Variants in PCDH9 observed in about 807,000 individuals in gnomAD.
PCDH9 encodes protocadherin 9.
A neutral mutation model predicts 70.6 loss-of-function variants in PCDH9; 24 were observed. That is an observed-to-expected ratio of 0.34 (90% CI 0.25 to 0.48). The LOEUF (loss-of-function observed/expected upper bound fraction) is 0.48. PCDH9 is among the 20% of genes least tolerant of loss of function. PCDH9 has a pLI of 0.99. For missense variants in PCDH9, 1,281 were observed against 1,503.6 expected (o/e 0.85, Z 2.45); for synonymous variants, 562 against 558.5 (o/e 1.01, Z -0.09).
chr13:66,723,340 A>T (rs1212510874), intron 3 of PCDH9, among the ~76,000 whole-genome samples: 1 of 152,192 alleles, frequency 6.6e-6, no homozygotes, highest in East Asian at 1.9e-4. Flanking sequence ...TGGAAAAGAG[A>T]TCTTCACTTA....
rs1486102153 is a variant in PCDH9 at position 66,747,016 on chromosome 13, G to C, written c.3139-115605C>G. Among the ~76,000 whole-genome samples, 21 of 150,826 alleles carry C rather than the reference G, an allele frequency of 1.4e-4. 1 individual carries two copies. The Admixed American group carries it at 1.4e-3, about 10-fold the overall frequency. On this transcript the variant is annotated intron_variant, in intron 3 of 4. Transcript: ENST00000377865. ...TTTAAACATTTTATTCAAAAAAACT[G>C]TATCTATAATGGAATAAGATACGAC...
intron 3 of PCDH9, among the ~76,000 whole-genome samples, chr13:66,855,272 T>C (rs1407292370): frequency 1.3e-5 from 2 of 152,082 alleles, no homozygotes; most frequent in African/African-American, 2.4e-5. Context: ...ATTTCTCTCA[T>C]TCACTACAAA....
intron 4 of PCDH9, among the ~76,000 whole-genome samples, chr13:66,452,861 C>T (rs1476969709): frequency 6.6e-6 from 1 of 152,010 alleles, no homozygotes; most frequent in Admixed American, 6.6e-5. Flanking sequence ...GGATTATTAT[C>T]CCTTTTCATA....
chr13:67,116,099 T>C (rs2086766832), intron 2 of PCDH9, among the ~76,000 whole-genome samples: 1 of 152,174 alleles, frequency 6.6e-6, no homozygotes, highest in Admixed American at 6.5e-5. Context: ...CAATATGTCT[T>C]TGATTTCTGT....
chr13:66,614,869 G>A (rs1212526001), intron 4 of PCDH9, among the ~76,000 whole-genome samples: 1 of 152,182 alleles, frequency 6.6e-6, no homozygotes, highest in Non-Finnish European at 1.5e-5. Context: ...GGCTGTGTCT[G>A]GTTTCCATTG....
At chr13:67,107,278 T>G in intron 2 of PCDH9, among the ~76,000 whole-genome samples, 1 of 150,306 alleles carries the variant, frequency 6.7e-6, no homozygotes, top group East Asian at 2.0e-4. Flanking sequence ...AGCCGAAGCA[T>G]GGGGGCCGGG....
rs370298378 is a variant in PCDH9, at chr13:66,645,169, T to C, written c.3139-13758A>G. On this transcript the variant is annotated intron_variant, in intron 3 of 4. Transcript: ENST00000377865. ...TTCATCAGATTTGCAGTTTGGGTGA[T>C]AACCAATCAAACGCAGCAGTTCAGC... is the stretch of plus-strand genomic sequence containing the variant. 4.9e-4 allele frequency among the ~76,000 whole-genome samples: 75 copies of C among 152,090 alleles called. 1 individual carries two copies. Among genetic ancestry groups the C allele is most frequent in the African/African-American group, 1.7e-3 (72 of 41,414 alleles).
chr13:67,184,312 A>C (rs1471581678), intron 2 of PCDH9, among the ~76,000 whole-genome samples: 3 of 152,176 alleles, frequency 2.0e-5, no homozygotes, highest in Non-Finnish European at 4.4e-5. Context: ...AAAGGAGGTA[A>C]GTTCCTTTTC....
At chr13:67,115,353 T>C (rs1046272465) in intron 2 of PCDH9, among the ~76,000 whole-genome samples, 1 of 152,216 alleles carries the variant, frequency 6.6e-6, no homozygotes, top group African/African-American at 2.4e-5. Context: ...GGCTTCCTGA[T>C]ACAGGGATGC....
chr13:67,226,436 T>C lies in PCDH9; in HGVS notation c.2005A>G (p.Asn669Asp), dbSNP rs2089872273. The change falls in exon 2 of 5, where the codon AAT (asparagine) becomes GAT (aspartate). Residue 669 changes from asparagine (N) to aspartate (D), a missense_variant. Transcript: ENST00000377865. This position sits in a 1 kb window ranked among gnomAD's most constrained non-coding sequence, Gnocchi z 5.0. ...GAAATGACAACTGGGCTGTTGTCAT[T>C]GACATCCATGACGTTGATAGTTACT... ...AKVTINVMDVNDNSPVVISPP... is the reference protein window; with the variant it reads ...AKVTINVMDVDDNSPVVISPP... The C allele has an allele frequency of 1.2e-6, 2 of 1,613,790 alleles. No homozygotes were observed. Among genetic ancestry groups the C allele is most frequent in the African/African-American group, 1.3e-5 (1 of 74,922 alleles).
chr13:66,444,464 A>C (rs1657699431), intron 4 of PCDH9, among the ~76,000 whole-genome samples: 3 of 152,248 alleles, frequency 2.0e-5, no homozygotes, highest in Admixed American at 2.0e-4. Flanking sequence ...TGAGGACAAA[A>C]ATTATTTTGC....
At chr13:66,872,187 G>T (rs551239185) in intron 3 of PCDH9, among the ~76,000 whole-genome samples, 2 of 152,082 alleles carry the variant, frequency 1.3e-5, no homozygotes, top group Non-Finnish European at 2.9e-5. Context: ...ATATATTGTA[G>T]ATCTTTGACT....
At chr13:66,718,243 G>A (rs569023768) in intron 3 of PCDH9, among the ~76,000 whole-genome samples, 19 of 152,220 alleles carry the variant, frequency 1.2e-4, no homozygotes, top group East Asian at 9.6e-4. Context: ...CCTGAGACCC[G>A]TTCAAACTGA....
chr13:66,625,186 A>T (rs1023231774), intron 4 of PCDH9, among the ~76,000 whole-genome samples: 14 of 152,184 alleles, frequency 9.2e-5, no homozygotes, highest in African/African-American at 3.4e-4. Context: ...CTAACAAACA[A>T]TAATTTTAAA....
intron 3 of PCDH9, among the ~76,000 whole-genome samples, chr13:66,687,422 A>G (rs528423405): frequency 6.6e-6 from 1 of 152,102 alleles, no homozygotes; most frequent in Non-Finnish European, 1.5e-5. Flanking sequence ...TCCTGCCAAA[A>G]TACATTTCAT....
chr13:66,434,978 G>A (rs1239962688), intron 4 of PCDH9, among the ~76,000 whole-genome samples: 1 of 152,058 alleles, frequency 6.6e-6, no homozygotes, highest in African/African-American at 2.4e-5. Context: ...ACAAGCTGCA[G>A]TAGAAGTGAG....
At chr13:66,459,235 C>G (rs1238397886) in intron 4 of PCDH9, among the ~76,000 whole-genome samples, 1 of 151,924 alleles carries the variant, frequency 6.6e-6, no homozygotes, top group African/African-American at 2.4e-5. Flanking sequence ...AGCAGAGTCA[C>G]AGAAGCATGT....
chr13:66,492,181 T>C (rs1322094666), intron 4 of PCDH9, among the ~76,000 whole-genome samples: 4 of 152,152 alleles, frequency 2.6e-5, no homozygotes, highest in African/African-American at 7.2e-5. Flanking sequence ...TTTATATTTA[T>C]AGTTGTTGTG....
intron 3 of PCDH9, among the ~76,000 whole-genome samples, chr13:66,792,844 T>C (rs1398043753): frequency 6.6e-6 from 1 of 152,154 alleles, no homozygotes; most frequent in Non-Finnish European, 1.5e-5. Context: ...CACTTAAGGA[T>C]AGTGTGCCAA....
Sources: gnomAD v4.1 joint callset for allele counts (sites outside exome capture counted in the v4.1 genomes callset) on GRCh38, gnomAD v4.1.1 for gene constraint, Gnocchi (gnomAD v3.1) non-coding constraint, MANE v1.5 for transcripts, NCBI Gene and HGNC (gene_info 2026-07-23, HGNC 2026-07-21) for gene names.